The following L3MBTL4 variants were observed in gnomAD, a reference collection of about 807,000 sequenced individuals.
L3MBTL4 encodes the protein lethal(3)malignant brain tumor-like protein 4.
In L3MBTL4, 70 loss-of-function variants were observed where a neutral mutation model predicts 84.5. That is an observed-to-expected ratio of 0.83 (90% CI 0.68 to 1.01). The LOEUF (loss-of-function observed/expected upper bound fraction) is 1.01, where lower values mean the gene tolerates loss of function less well. L3MBTL4 is among the 50% of genes least tolerant of loss of function. L3MBTL4 has a pLI of 0.00. For synonymous variants in L3MBTL4, 274 were observed against 259.8 expected, an observed-to-expected ratio of 1.05 and a Z score of -0.52; for missense variants, 715 against 754.8, an observed-to-expected ratio of 0.95 and a Z score of 0.62.
Position 6,348,031 on chromosome 18 carries a change from A to T in L3MBTL4, c.-90-35975T>A, listed in dbSNP as rs891849234. Reference sequence around the variant, plus strand: ...CAGCAACAAAAAATAAAATTTGAAAATGCCATTTACAATAGCATTGATTCC... The same window carrying T: ...CAGCAACAAAAAATAAAATTTGAAATTGCCATTTACAATAGCATTGATTCC... On this transcript the variant is annotated intron_variant, in intron 1 of 18. Coordinates refer to ENST00000317931, the MANE Select transcript of L3MBTL4 (RefSeq NM_001330559.2). Among the ~76,000 whole-genome samples, 3 of 152,202 alleles carry T rather than the reference A, an allele frequency of 2.0e-5. 1 individual carries two copies. The East Asian group carries it at 5.8e-4, about 29-fold the overall frequency.
chr18:6,032,423 AT>A, intron 16 of L3MBTL4: 1 of 557,976 alleles, frequency 1.8e-6, no homozygotes, highest in Non-Finnish European at 2.3e-6. Context: ...CACAATCTGC[AT>A]CAAAATAATA....
chr18:6,151,636 C>T (rs928802530), intron 13 of L3MBTL4, among the ~76,000 whole-genome samples: 1 of 152,086 alleles, frequency 6.6e-6, no homozygotes, highest in Non-Finnish European at 1.5e-5. Flanking sequence ...CTCAGGTGAT[C>T]CACCCGCCTC....
intron 12 of L3MBTL4, among the ~76,000 whole-genome samples, chr18:6,210,781 A>G (rs1047553649): frequency 2.6e-5 from 4 of 152,174 alleles, no homozygotes; most frequent in African/African-American, 9.7e-5. Flanking sequence ...TGTAATTCCA[A>G]TCAAACTTCC....
At chr18:6,280,310 T>C (rs1381932818) in intron 4 of L3MBTL4, among the ~76,000 whole-genome samples, 8 of 152,098 alleles carry the variant, frequency 5.3e-5, no homozygotes, top group Admixed American at 5.2e-4. Flanking sequence ...CAGTGAAGAG[T>C]TCTATTAGTT....
At chr18:6,019,929 A>G (rs939252077) in intron 16 of L3MBTL4, among the ~76,000 whole-genome samples, 5 of 152,140 alleles carry the variant, frequency 3.3e-5, no homozygotes, top group African/African-American at 1.2e-4. Context: ...AACAGGAGGC[A>G]TGTCCTCTTG....
At chr18:6,111,037 A>G (rs924893432) in intron 14 of L3MBTL4, among the ~76,000 whole-genome samples, 1 of 152,036 alleles carries the variant, frequency 6.6e-6, no homozygotes, top group Non-Finnish European at 1.5e-5. Flanking sequence ...GCAATGAACA[A>G]TGCCTAGACC....
chr18:6,078,702 C>T (rs1286475985), intron 16 of L3MBTL4, among the ~76,000 whole-genome samples: 2 of 152,084 alleles, frequency 1.3e-5, no homozygotes, highest in Non-Finnish European at 2.9e-5. Context: ...ACAATTTTTC[C>T]ACAGACCAGG....
intron 16 of L3MBTL4, chr18:6,017,703 T>G (rs1368456065): frequency 6.6e-6 from 1 of 152,236 alleles, no homozygotes; most frequent in Non-Finnish European, 1.5e-5. Flanking sequence ...TTCTTTTATT[T>G]TTTTTTAAAC....
chr18:6,014,355 C>T (rs549625608), intron 16 of L3MBTL4, among the ~76,000 whole-genome samples: 70 of 152,240 alleles, frequency 4.6e-4, no homozygotes, highest in Admixed American at 3.9e-3. Flanking sequence ...AACAGATCAT[C>T]CATCCATCCA....
chr18:6,064,358 T>C (rs552543347), intron 16 of L3MBTL4, among the ~76,000 whole-genome samples: 1 of 152,136 alleles, frequency 6.6e-6, no homozygotes, highest in Non-Finnish European at 1.5e-5. Flanking sequence ...TTTCATTCCA[T>C]ATGAATTTTA....
In L3MBTL4 at chr18:6,311,575, A is replaced by G; in HGVS notation, c.51T>C (p.Arg17=). Residue 17 remains arginine, a synonymous_variant, in exon 3 of 19, where the codon CGT becomes CGC. Coordinates refer to ENST00000317931, the MANE Select transcript of L3MBTL4 (RefSeq NM_001330559.2). ...KRKLNMDSKE[R]LDQDGRLEQA... ...TTACCAAGCGTCCGTCCTGATCCAA[A>G]CGCTCTTTGGAATCCATATTAAGCT... is the stretch of plus-strand genomic sequence containing the variant. 6.2e-7 allele frequency: 1 copy of G among 1,613,384 alleles called. No individual in the cohort carries two copies. The highest frequency in any genetic ancestry group is 8.5e-7 in the Non-Finnish European group (1 of 1,179,810).
At chr18:6,104,860 T>G (rs2143942815) in intron 14 of L3MBTL4, among the ~76,000 whole-genome samples, 1 of 152,344 alleles carries the variant, frequency 6.6e-6, no homozygotes, top group African/African-American at 2.4e-5. Flanking sequence ...ATTATATTCT[T>G]TCCAAATTAA....
chr18:6,285,315 C>A (rs2049520690), intron 4 of L3MBTL4, among the ~76,000 whole-genome samples: 1 of 152,108 alleles, frequency 6.6e-6, no homozygotes, highest in African/African-American at 2.4e-5. Context: ...GGAACAGAGC[C>A]ACGTTTCTCA....
intron 1 of L3MBTL4, among the ~76,000 whole-genome samples, chr18:6,343,004 A>G (rs1021051225): frequency 6.6e-6 from 1 of 152,244 alleles, no homozygotes; most frequent in Non-Finnish European, 1.5e-5. Flanking sequence ...ATGTTGTTAC[A>G]TATTGATAAA....
At chr18:5,961,592 A>C (rs1017158722) in intron 17 of L3MBTL4, among the ~76,000 whole-genome samples, 1 of 152,208 alleles carries the variant, frequency 6.6e-6, no homozygotes, top group Non-Finnish European at 1.5e-5. Flanking sequence ...AAAACAAACA[A>C]ACAAAAAAAC....
At chr18:6,232,563 T>A (rs1599258682) in intron 10 of L3MBTL4, among the ~76,000 whole-genome samples, 1 of 152,034 alleles carries the variant, frequency 6.6e-6, no homozygotes, top group African/African-American at 2.4e-5. Flanking sequence ...ATCATTTTAG[T>A]TAGAATATTT....
chr18:6,176,043 T>C (rs2145268534), intron 12 of L3MBTL4, among the ~76,000 whole-genome samples: 1 of 151,980 alleles, frequency 6.6e-6, no homozygotes, highest in East Asian at 1.9e-4. Context: ...TAAGAGAAAT[T>C]AAAAGATGAT....
At chr18:6,174,331 T>C (rs570111601) in intron 12 of L3MBTL4, among the ~76,000 whole-genome samples, 1 of 152,172 alleles carries the variant, frequency 6.6e-6, no homozygotes, top group Non-Finnish European at 1.5e-5. Flanking sequence ...GCAAAGTAGT[T>C]AGGAAAATAT....
In L3MBTL4 at chr18:6,239,887, G is replaced by A. The variant is rs200682210; in HGVS notation, c.553-15C>T. The A allele has an allele frequency of 1.5e-4, 243 of 1,613,792 alleles. No homozygotes were observed. Among genetic ancestry groups the A allele is most frequent in the Admixed American group, 3.8e-4 (23 of 60,000 alleles). On this transcript the variant is annotated splice_polypyrimidine_tract_variant and intron_variant, in intron 8 of 18. Coordinates refer to ENST00000317931, the MANE Select transcript of L3MBTL4 (RefSeq NM_001330559.2). Reference sequence around the variant, plus strand: ...ATTGGCCCATTCTAACGCAGCACCAGCAGGGGAAGAAGCACAAAAAGAAAC... The same window carrying A: ...ATTGGCCCATTCTAACGCAGCACCAACAGGGGAAGAAGCACAAAAAGAAAC...
Sources: gnomAD v4.1 joint callset for allele counts (sites outside exome capture counted in the v4.1 genomes callset) on GRCh38, gnomAD v4.1.1 for gene constraint, MANE v1.5 for transcripts, NCBI Gene and HGNC (gene_info 2026-07-23, HGNC 2026-07-21) for gene names.